CACNA1C: variants seen among roughly 807,000 people sequenced by gnomAD.
CACNA1C encodes voltage-dependent L-type calcium channel subunit alpha-1C.
Under a neutral mutation model 229.0 loss-of-function variants are expected in CACNA1C, and 30 were observed. The observed-to-expected ratio is 0.13, with a 90% CI of 0.10 to 0.18. The LOEUF (loss-of-function observed/expected upper bound fraction) is 0.18. Ranked by LOEUF, CACNA1C falls within the 10% of genes least tolerant of loss-of-function variation. The pLI, the probability that CACNA1C is intolerant of heterozygous loss-of-function variation, is 1.00. For missense variants in CACNA1C, 1,658 were observed against 2,845.0 expected, an observed-to-expected ratio of 0.58 and a Z score of 9.49; for synonymous variants, 1,114 against 1,132.5, an observed-to-expected ratio of 0.98 and a Z score of 0.33.
At position 2,597,252 on chromosome 12, in the gene CACNA1C, T is replaced by C. The variant is rs754495060; in HGVS notation, c.2816T>C (p.Val939Ala). Residue 939 changes from valine (V) to alanine (A), a missense_variant, in exon 21 of 47, where the codon GTT becomes GCT. Val to Ala is a moderately conservative substitution (Grantham distance 64). Coordinates refer to ENST00000399655, the MANE Select transcript of CACNA1C (RefSeq NM_000719.7). The surrounding 1 kb of genome is among the most constrained non-coding windows in gnomAD (Gnocchi z 4.3). ...CAGATTCTGTTTTATTTTGATATTGTTTTTACCACCATTTTCACCATTGAA... is the reference window on the plus strand; with the variant it reads ...CAGATTCTGTTTTATTTTGATATTGCTTTTACCACCATTTTCACCATTGAA... Reference protein sequence around the residue: ...RNHILFYFDIVFTTIFTIEIA... With the variant: ...RNHILFYFDIAFTTIFTIEIA... 9.3e-6 allele frequency: 15 copies of C among 1,612,118 alleles called. No individual in the cohort carries two copies. In the African/African-American group the frequency reaches 1.1e-4, roughly 11 times the overall value.
At chr12:2,035,068 C>T (rs957464219) in intron 1 of CACNA1C, among the ~76,000 whole-genome samples, 4 of 152,200 alleles carry the variant, frequency 2.6e-5, no homozygotes, top group Non-Finnish European at 5.9e-5. Flanking sequence ...CCTCAGGTGC[C>T]GGCGCCCCCT....
chr12:2,188,700 G>A (rs1284178436), intron 3 of CACNA1C, among the ~76,000 whole-genome samples: 1 of 152,056 alleles, frequency 6.6e-6, no homozygotes, highest in African/African-American at 2.4e-5. Flanking sequence ...CCTATTTGGT[G>A]GTATCCTTAT....
intron 3 of CACNA1C, among the ~76,000 whole-genome samples, chr12:2,295,047 G>A (rs1816256922): frequency 6.6e-6 from 1 of 152,146 alleles, no homozygotes; most frequent in Admixed American, 6.5e-5. Flanking sequence ...TCCGGGGCTG[G>A]CTTGAGTGTG....
intron 9 of CACNA1C, among the ~76,000 whole-genome samples, chr12:2,513,457 G>T (rs1275028054): frequency 6.6e-6 from 1 of 152,202 alleles, no homozygotes; most frequent in Non-Finnish European, 1.5e-5. Flanking sequence ...GGTAGTGAAA[G>T]GTTTTCCTTA....
chr12:2,226,163 ACAC>A, intron 3 of CACNA1C, among the ~76,000 whole-genome samples: 1 of 151,070 alleles, frequency 6.6e-6, no homozygotes, highest in Non-Finnish European at 1.5e-5. Context: ...ACACACACAC[ACAC>A]ACACACAGTT....
chr12:2,589,762 C>T (rs781444694), intron 18 of CACNA1C, among the ~76,000 whole-genome samples: 21 of 145,164 alleles, frequency 1.4e-4, no homozygotes, highest in African/African-American at 2.4e-4. Context: ...AGGATACTTG[C>T]GCAGTATCCA....
At chr12:2,129,344 G>T (rs554963481) in intron 3 of CACNA1C, among the ~76,000 whole-genome samples, 1 of 152,280 alleles carries the variant, frequency 6.6e-6, no homozygotes, top group East Asian at 1.9e-4. Flanking sequence ...GCAATTGTTT[G>T]ACTCAGGGTT....
chr12:2,069,679 C>T (rs2060517493), intron 1 of CACNA1C, among the ~76,000 whole-genome samples: 1 of 152,170 alleles, frequency 6.6e-6, no homozygotes, highest in Non-Finnish European at 1.5e-5. Flanking sequence ...ATTCTTGTAA[C>T]CTCACTTATA....
chr12:2,241,610 C>T (rs1161717152), intron 3 of CACNA1C, among the ~76,000 whole-genome samples: 1 of 152,154 alleles, frequency 6.6e-6, no homozygotes. Flanking sequence ...TGTGCCTTCA[C>T]CAGCTGAGCA....
chr12:2,180,224 A>T (rs182081137), intron 3 of CACNA1C, among the ~76,000 whole-genome samples: 1 of 151,990 alleles, frequency 6.6e-6, no homozygotes, highest in African/African-American at 2.4e-5. Context: ...AACACCACAC[A>T]CTCTTAAGTG....
chr12:2,395,223 T>C, intron 3 of CACNA1C, among the ~76,000 whole-genome samples: 1 of 151,018 alleles, frequency 6.6e-6, no homozygotes, highest in East Asian at 1.9e-4. Flanking sequence ...TTTTTTTTTT[T>C]TTTTTAAATA....
At chr12:2,264,203 A>G (rs765361080) in intron 3 of CACNA1C, among the ~76,000 whole-genome samples, 14 of 152,182 alleles carry the variant, frequency 9.2e-5, no homozygotes, top group Non-Finnish European at 1.9e-4. Context: ...ACTCTCCTGT[A>G]TAGTGATGCC....
At chr12:2,620,822 G>C (rs2082838547) in intron 29 of CACNA1C, among the ~76,000 whole-genome samples, 1 of 152,208 alleles carries the variant, frequency 6.6e-6, no homozygotes, top group South Asian at 2.1e-4. Flanking sequence ...GGCGGGAGCT[G>C]TTTCATGTTC....
At chr12:2,615,614 C>T (rs1445675901) in intron 29 of CACNA1C, among the ~76,000 whole-genome samples, 13 of 152,222 alleles carry the variant, frequency 8.5e-5, no homozygotes, top group South Asian at 6.2e-4. Context: ...AAATCCTTTA[C>T]GGCCAACAGG....
chr12:2,391,911 G>A (rs1001972204), intron 3 of CACNA1C, among the ~76,000 whole-genome samples: 16 of 152,198 alleles, frequency 1.1e-4, no homozygotes, highest in African/African-American at 3.6e-4. Context: ...GTGCTCAGCT[G>A]CCACGTGGCT....
At position 2,697,112 on chromosome 12, in the gene CACNA1C, T is replaced by A. The variant is rs557411646; in HGVS notation, c.*5913T>A. The A allele has an allele frequency of 2.0e-5, 3 of 152,440 alleles. No homozygotes were observed. In the South Asian group the frequency reaches 6.2e-4, roughly 32 times the overall value. The allele number at this position is 152,440 out of a possible 1,614,324, so 9.4% of individuals were successfully genotyped here. A position where few individuals can be genotyped will look rare whatever the true frequency, so the allele number is the denominator to read the frequency against. ...GGAGGTGTCTCCAGCATCCCAAAGC[T>A]GTGCGCACCTTCTCTTTTCCTGCCT... On this transcript the variant is annotated 3_prime_UTR_variant, in exon 47 of 47. Coordinates refer to ENST00000399655, the MANE Select transcript of CACNA1C (RefSeq NM_000719.7).
intron 3 of CACNA1C, among the ~76,000 whole-genome samples, chr12:2,443,788 A>C (rs2099250927): frequency 6.6e-6 from 1 of 152,172 alleles, no homozygotes; most frequent in African/African-American, 2.4e-5. Flanking sequence ...CACTCCATTC[A>C]TACTCGCCCT....
At chr12:2,501,495 A>T (rs1428487261) in intron 7 of CACNA1C, among the ~76,000 whole-genome samples, 1 of 152,174 alleles carries the variant, frequency 6.6e-6, no homozygotes, top group African/African-American at 2.4e-5. Context: ...TGTTGAACAA[A>T]CGTGGACTCT....
rs1212556739 is a variant in CACNA1C at position 2,322,454 on chromosome 12, G to A, written c.478-126522G>A. Among the ~76,000 whole-genome samples, 5 of 152,190 alleles carry A rather than the reference G, an allele frequency of 3.3e-5. No homozygotes were observed. The South Asian group carries it at 8.3e-4, about 25-fold the overall frequency. On this transcript the variant is annotated intron_variant, in intron 3 of 46. Transcript: ENST00000399655. ...ATGGCCACCAGTGGTCATGATGCCC[G>A]GGCATGTGTGGCGCTGTACAGTCAT...
Sources: allele counts gnomAD v4.1 joint callset (sites outside exome capture counted in the v4.1 genomes callset), GRCh38; gene constraint gnomAD v4.1.1; non-coding constraint Gnocchi (gnomAD v3.1); transcripts MANE v1.5; gene names NCBI Gene and HGNC (gene_info 2026-07-23, HGNC 2026-07-21).